The following OBP2B variants were observed in gnomAD, a reference collection of about 807,000 sequenced individuals.
The protein encoded by OBP2B is odorant-binding protein 2b.
A neutral mutation model predicts 21.7 loss-of-function variants in OBP2B; 10 were observed. The ratio of observed to expected loss-of-function variants is 0.46; its 90% CI spans 0.28 to 0.78. The LOEUF (loss-of-function observed/expected upper bound fraction) is 0.78. OBP2B is among the 30% of genes least tolerant of loss of function. The pLI, the probability that OBP2B is intolerant of heterozygous loss-of-function variation, is 0.11. For synonymous variants in OBP2B, 73 were observed against 91.5 expected (o/e 0.80, Z 1.16); for missense variants, 153 against 217.7 (o/e 0.70, Z 1.87).
chr9:133,218,522 C>T, the OBP2B span, among the ~76,000 whole-genome samples: 10 of 152,258 alleles, frequency 6.6e-5, no homozygotes, highest in African/African-American at 2.2e-4. Context: ...GGATGGTGCA[C>T]TGATTTCTAC....
intron 3 of OBP2B, 36 bp downstream of exon 3, chr9:133,208,097 G>T: frequency 6.5e-7 from 1 of 1,539,538 alleles, no homozygotes; most frequent in Non-Finnish European, 8.8e-7. Flanking sequence ...GTTGGCGGTG[G>T]GGGAGGGTGG....
intron 3 of OBP2B, chr9:133,207,704 T>A: frequency 1.9e-6 from 1 of 537,498 alleles, no homozygotes; most frequent in Admixed American, 2.4e-5. Context: ...CTCGGCCTCC[T>A]CATCCCTAAC....
Position 133,208,176 on chromosome 9 carries a change from TTTC to T in OBP2B, c.231_233del (p.Lys78del), listed in dbSNP as rs1833802723. The T allele has an allele frequency of 6.2e-7, 1 of 1,611,342 alleles. No homozygotes were observed. Among genetic ancestry groups the T allele is most frequent in the Admixed American group, 1.7e-5 (1 of 59,946 alleles). On this transcript the variant is annotated inframe_deletion, in exon 3 of 7. Coordinates refer to ENST00000372034, the MANE Select transcript of OBP2B (RefSeq NM_014581.4). ...GCTCCTCCGTCTTCCGCATCAGGAT[TTTC>T]TTCTGGATGCACCTATCCTCCCTCC...
chr9:133,205,298 T>C lies in OBP2B; in HGVS notation c.*115A>G. 2.0e-6 allele frequency: 3 copies of C among 1,489,418 alleles called. No homozygotes were observed. The highest frequency in any genetic ancestry group is 2.6e-5 in the East Asian group (1 of 38,576). 92.3% of individuals were successfully genotyped at this position (1,489,418 alleles called of 1,614,324 possible). A position where few individuals can be genotyped will look rare whatever the true frequency, so the allele number is the denominator to read the frequency against. On this transcript the variant is annotated 3_prime_UTR_variant, in exon 7 of 7. Coordinates refer to ENST00000372034, the MANE Select transcript of OBP2B (RefSeq NM_014581.4). Reference sequence around the variant, plus strand: ...CAGAGCTGGGGGAGAAGGACTTTATTTGGAGTCAGGTGGGTGGGAGCAGGG... The same window carrying C: ...CAGAGCTGGGGGAGAAGGACTTTATCTGGAGTCAGGTGGGTGGGAGCAGGG...
the OBP2B span, among the ~76,000 whole-genome samples, chr9:133,219,708 C>T: frequency 2.0e-5 from 3 of 152,188 alleles, no homozygotes; most frequent in African/African-American, 7.2e-5. Context: ...CATAGTTTGG[C>T]AGTTTATCCA....
the OBP2B span, among the ~76,000 whole-genome samples, chr9:133,221,193 T>C: frequency 6.6e-6 from 1 of 152,166 alleles, no homozygotes; most frequent in African/African-American, 2.4e-5. Flanking sequence ...AGCATGAATA[T>C]CTATTCCCAG....
chr9:133,213,861 A>G (rs1340244437), upstream of OBP2B, among the ~76,000 whole-genome samples: 1 of 152,242 alleles, frequency 6.6e-6, no homozygotes, highest in Non-Finnish European at 1.5e-5. Context: ...TAAAAAATAA[A>G]TAACACCAAC....
At chr9:133,215,639 C>T in the OBP2B span, among the ~76,000 whole-genome samples, 8 of 152,136 alleles carry the variant, frequency 5.3e-5, no homozygotes, top group Non-Finnish European at 1.0e-4. Flanking sequence ...CTGCCTCCGC[C>T]TCCCAAGTAG....
At chr9:133,207,427 G>T (rs1385262957) in intron 3 of OBP2B, 91 bp from the exon 4 acceptor site, 2 of 902,052 alleles carry the variant, frequency 2.2e-6, no homozygotes, top group African/African-American at 3.3e-5. Flanking sequence ...GGTCACCCAG[G>T]TGCCCTGGAC....
the OBP2B span, among the ~76,000 whole-genome samples, chr9:133,223,152 T>C: frequency 0.013 from 1,926 of 152,182 alleles, 56 homozygotes; most frequent in African/African-American, 0.044. This position sits in a 1 kb window ranked among gnomAD's most constrained non-coding sequence, Gnocchi z 4.4. Flanking sequence ...GCTGAGCTGG[T>C]GTTGAGGCCT....
At chr9:133,222,118 G>A in the OBP2B span, among the ~76,000 whole-genome samples, 230 of 151,954 alleles carry the variant, frequency 1.5e-3, 1 homozygote, top group African/African-American at 5.3e-3. Context: ...GTGTCAGTGC[G>A]TATGTGCTGA....
chr9:133,211,197 C>T (rs1238344689), upstream of OBP2B, among the ~76,000 whole-genome samples: 1 of 152,196 alleles, frequency 6.6e-6, no homozygotes, highest in East Asian at 1.9e-4. Context: ...GGGACTGAGG[C>T]ACGCCAAGAA....
At chr9:133,217,181 C>G in the OBP2B span, among the ~76,000 whole-genome samples, 1 of 152,184 alleles carries the variant, frequency 6.6e-6, no homozygotes, top group African/African-American at 2.4e-5. Flanking sequence ...AGATGCCTCT[C>G]ATTCTTTGGG....
Position 133,207,276 on chromosome 9 carries a change from TAA to T in OBP2B, c.336_337del (p.Phe112LeufsTer19). On this transcript the variant is annotated frameshift_variant, in exon 4 of 7. Transcript: ENST00000372034. LOFTEE classifies it high-confidence loss of function. ...GCCCCCATGGTGCTGGTCTTTGCAGTAAAAGATGTAGTGGTCCCTCCTGGGCA... is the reference window on the plus strand; with the variant it reads ...GCCCCCATGGTGCTGGTCTTTGCAGTAAGATGTAGTGGTCCCTCCTGGGCA... 6.2e-7 allele frequency: 1 copy of T among 1,613,808 alleles called. No homozygotes were observed. Among genetic ancestry groups the T allele is most frequent in the East Asian group, 2.2e-5 (1 of 44,850 alleles).
chr9:133,215,414 A>T, the OBP2B span, among the ~76,000 whole-genome samples: 142 of 152,358 alleles, frequency 9.3e-4, 4 homozygotes, highest in East Asian at 9.2e-3. Flanking sequence ...CATAGACAAG[A>T]TTATTCTAAC....
the OBP2B span, among the ~76,000 whole-genome samples, chr9:133,221,595 G>A: frequency 6.6e-6 from 1 of 152,162 alleles, no homozygotes; most frequent in South Asian, 2.1e-4. Context: ...GGCGGGGACT[G>A]CCTGACTGAT....
At chr9:133,211,774 G>A (rs1467876244), upstream of OBP2B, among the ~76,000 whole-genome samples, 1 of 152,176 alleles carries the variant, frequency 6.6e-6, no homozygotes, top group African/African-American at 2.4e-5. Context: ...ACCAGAATGT[G>A]AGAAAATAAA....
intron 3 of OBP2B, 62 bp downstream of exon 3, chr9:133,208,071 A>G (rs2119397114): frequency 7.4e-7 from 1 of 1,360,062 alleles, no homozygotes; most frequent in Non-Finnish European, 9.6e-7. Context: ...CTACCTGTGG[A>G]GGCTGGTGCA....
At chr9:133,222,862 T>C in the OBP2B span, among the ~76,000 whole-genome samples, 126,089 of 151,362 alleles carry the variant, frequency 0.83, 53,243 homozygotes, top group African/African-American at 0.92. Flanking sequence ...ACACAGCTGG[T>C]CCCACTGCAC....
Sources: allele counts gnomAD v4.1 joint callset (sites outside exome capture counted in the v4.1 genomes callset), GRCh38; gene constraint gnomAD v4.1.1; non-coding constraint Gnocchi (gnomAD v3.1); transcripts MANE v1.5; gene names NCBI Gene and HGNC (gene_info 2026-07-23, HGNC 2026-07-21).